Variants in PDZD2 observed in about 807,000 individuals in gnomAD.
PDZD2 encodes PDZ domain-containing protein 2.
PDZD2 carries 90 observed loss-of-function variants against 220.7 expected under a neutral mutation model. That is an observed-to-expected ratio of 0.41 (90% CI 0.34 to 0.49). The LOEUF (loss-of-function observed/expected upper bound fraction) is 0.49. Among genes scored for constraint, PDZD2 ranks in the 20% least tolerant of loss-of-function variants. PDZD2 has a pLI of 0.28. For synonymous variants in PDZD2, 1,375 were observed against 1,450.5 expected (o/e 0.95, Z 1.18); for missense variants, 3,174 against 3,608.5 (o/e 0.88, Z 3.08).
chr5:32,043,584 C>T (rs535371349), intron 7 of PDZD2, among the ~76,000 whole-genome samples: 8 of 152,358 alleles, frequency 5.3e-5, no homozygotes, highest in Non-Finnish European at 1.2e-4. Flanking sequence ...GCAAAAAGCC[C>T]TCGCCATGAG....
Position 32,098,595 on chromosome 5 carries a change from T to C in PDZD2, c.8179T>C (p.Leu2727=). Residue 2727 remains leucine (L), a synonymous_variant, in exon 23 of 25, where the codon TTG becomes CTG. Transcript: ENST00000438447. The surrounding 1 kb of genome is among the most constrained non-coding windows in gnomAD (Gnocchi z 4.1). ...GCCTCCCACAGCCAATGGGAAGGGT[T>C]TGCTGTCCAGAAAGACCATCCCCCT... is the stretch of plus-strand genomic sequence containing the variant. ...QEPPTANGKG[L]LSRKTIPLEP... 6.2e-7 allele frequency: 1 copy of C among 1,614,162 alleles called. No homozygotes were observed. Among genetic ancestry groups the C allele is most frequent in the African/African-American group, 1.3e-5 (1 of 75,062 alleles).
intron 1 of PDZD2, among the ~76,000 whole-genome samples, chr5:31,730,367 A>G (rs1749451529): frequency 1.3e-5 from 2 of 152,148 alleles, no homozygotes; most frequent in Non-Finnish European, 2.9e-5. Context: ...TGCACACATC[A>G]ATTACTATTT....
At chr5:31,957,816 G>A (rs1054233435) in intron 2 of PDZD2, among the ~76,000 whole-genome samples, 9 of 152,120 alleles carry the variant, frequency 5.9e-5, no homozygotes, top group Admixed American at 3.9e-4. Context: ...GGAGTCATCC[G>A]ATCAAAATAT....
chr5:31,707,487 T>C (rs1747887034), intron 1 of PDZD2, among the ~76,000 whole-genome samples: 1 of 152,106 alleles, frequency 6.6e-6, no homozygotes, highest in Non-Finnish European at 1.5e-5. Flanking sequence ...AGCACCTTTA[T>C]CTTGGACTTT....
chr5:31,892,031 C>T (rs1390188091), intron 2 of PDZD2, among the ~76,000 whole-genome samples: 1 of 151,874 alleles, frequency 6.6e-6, no homozygotes, highest in Non-Finnish European at 1.5e-5. Flanking sequence ...CTGCCTCAGC[C>T]TCCTGAGTAG....
chr5:31,994,461 G>A (rs1309321044), intron 3 of PDZD2, among the ~76,000 whole-genome samples: 1 of 152,038 alleles, frequency 6.6e-6, no homozygotes, highest in East Asian at 1.9e-4. Context: ...TCATTTATAT[G>A]TTTTAAGGAA....
Position 31,991,926 on chromosome 5 carries a change from G to A in PDZD2, c.979-3650G>A, listed in dbSNP as rs558191213. Among the ~76,000 whole-genome samples, 60 of 152,232 alleles carry A rather than the reference G, an allele frequency of 3.9e-4. 1 individual carries two copies. Among genetic ancestry groups the A allele is most frequent in the African/African-American group, 1.3e-3 (53 of 41,532 alleles). ...TGTGCACCTGTAATCCCAGCTACTC[G>A]GGAGGCTGAGGCAGGAGAATCACTT... On this transcript the variant is annotated intron_variant, in intron 3 of 24. Coordinates refer to ENST00000438447, the MANE Select transcript of PDZD2 (RefSeq NM_178140.4).
intron 2 of PDZD2, chr5:31,840,465 A>G: frequency 5.0e-6 from 1 of 198,860 alleles, no homozygotes; most frequent in Non-Finnish European, 9.1e-6. Flanking sequence ...TATAGTCCAG[A>G]GGTCTTTTTT....
chr5:32,032,511 C>T (rs1285417738), intron 6 of PDZD2, among the ~76,000 whole-genome samples: 1 of 152,204 alleles, frequency 6.6e-6, no homozygotes, highest in African/African-American at 2.4e-5. Context: ...TCTGTGTGAA[C>T]GTTCAGCCTT....
At chr5:31,979,127 A>G (rs967533484) in intron 2 of PDZD2, among the ~76,000 whole-genome samples, 30 of 152,234 alleles carry the variant, frequency 2.0e-4, no homozygotes, top group Admixed American at 7.2e-4. Flanking sequence ...AGGTCTCTGC[A>G]TACCACTCAT....
intron 2 of PDZD2, among the ~76,000 whole-genome samples, chr5:31,808,989 A>T (rs2330776): frequency 0.63 from 94,572 of 150,552 alleles, 29,555 homozygotes; most frequent in East Asian, 0.73. Flanking sequence ...AAAAAAAAAA[A>T]AATAATAAAA....
chr5:31,674,970 G>C (rs938454419), intron 1 of PDZD2, among the ~76,000 whole-genome samples: 7 of 152,218 alleles, frequency 4.6e-5, no homozygotes, highest in Non-Finnish European at 1.0e-4. Context: ...GAAGGCACCA[G>C]ATCCCTGTTC....
At chr5:32,094,907 T>TAAGCAC (rs2111607248) in intron 21 of PDZD2, among the ~76,000 whole-genome samples, 1 of 152,148 alleles carries the variant, frequency 6.6e-6, no homozygotes, top group Admixed American at 6.5e-5. Flanking sequence ...CTTGAGATGC[T>TAAGCAC]AAGCACTTCC....
chr5:31,837,087 A>C (rs1167256564), intron 2 of PDZD2, among the ~76,000 whole-genome samples: 1 of 152,118 alleles, frequency 6.6e-6, no homozygotes, highest in Non-Finnish European at 1.5e-5. Flanking sequence ...ATGTAGACTA[A>C]TCCACTTCTG....
At chr5:31,777,462 C>T (rs553874082) in intron 1 of PDZD2, among the ~76,000 whole-genome samples, 26 of 152,212 alleles carry the variant, frequency 1.7e-4, no homozygotes, top group Admixed American at 1.3e-3. Context: ...TGCTCCGTGG[C>T]GCCTGGGCCC....
At chr5:31,689,900 T>G (rs577766540) in intron 1 of PDZD2, among the ~76,000 whole-genome samples, 1 of 152,278 alleles carries the variant, frequency 6.6e-6, no homozygotes, top group South Asian at 2.1e-4. Flanking sequence ...GGGTCTTGGC[T>G]TCAAAGTCCT....
chr5:32,016,889 A>AAGT (rs889023847), intron 6 of PDZD2, among the ~76,000 whole-genome samples: 11 of 152,288 alleles, frequency 7.2e-5, no homozygotes, highest in African/African-American at 2.6e-4. Context: ...ATTGTTATTC[A>AAGT]AGTGACAGCT....
chr5:32,085,602 C>T (rs1742369460), intron 19 of PDZD2, among the ~76,000 whole-genome samples: 2 of 150,112 alleles, frequency 1.3e-5, no homozygotes, highest in African/African-American at 5.1e-5. Flanking sequence ...TGTGCCACCA[C>T]ACTCAGCTAA....
At chr5:31,737,305 TG>T (rs1749944927) in intron 1 of PDZD2, among the ~76,000 whole-genome samples, 1 of 151,300 alleles carries the variant, frequency 6.6e-6, no homozygotes. Context: ...CCTGAGTAGC[TG>T]GGACTACAGG....
Sources: allele counts gnomAD v4.1 joint callset (sites outside exome capture counted in the v4.1 genomes callset), GRCh38; gene constraint gnomAD v4.1.1; non-coding constraint Gnocchi (gnomAD v3.1); transcripts MANE v1.5; gene names NCBI Gene and HGNC (gene_info 2026-07-23, HGNC 2026-07-21).